TOX: variants seen among roughly 807,000 people sequenced by gnomAD.
TOX encodes the protein thymocyte selection-associated high mobility group box protein TOX.
TOX carries 11 observed loss-of-function variants against 53.7 expected under a neutral mutation model. The observed-to-expected ratio is 0.20, with a 90% CI of 0.13 to 0.34. TOX has a LOEUF of 0.34. Ranked by LOEUF, TOX falls within the 10% of genes least tolerant of loss-of-function variation. TOX has a pLI of 1.00. For missense variants in TOX, 570 were observed against 664.6 expected, an observed-to-expected ratio of 0.86 and a Z score of 1.56; for synonymous variants, 225 against 245.3, an observed-to-expected ratio of 0.92 and a Z score of 0.77.
intron 1 of TOX, among the ~76,000 whole-genome samples, chr8:59,014,231 GA>G (rs1405344182): frequency 6.6e-6 from 1 of 152,198 alleles, no homozygotes; most frequent in Non-Finnish European, 1.5e-5. Context: ...GGGTACGTAA[GA>G]AATTAATAAA....
intron 1 of TOX, among the ~76,000 whole-genome samples, chr8:59,001,878 A>G (rs1481765889): frequency 1.3e-5 from 2 of 152,130 alleles, no homozygotes; most frequent in Non-Finnish European, 2.9e-5. Context: ...AATGTCTTAT[A>G]AATAACTGGG....
intron 1 of TOX, among the ~76,000 whole-genome samples, chr8:59,043,826 AAACATGTGG>A (rs2129420888): frequency 6.6e-6 from 1 of 152,340 alleles, no homozygotes; most frequent in East Asian, 1.9e-4. Flanking sequence ...AGATTTGATC[AAACATGTGG>A]AACTGATTGA....
chr8:59,049,965 T>C (rs890841848), intron 1 of TOX, among the ~76,000 whole-genome samples: 8 of 152,160 alleles, frequency 5.3e-5, no homozygotes, highest in African/African-American at 1.9e-4. Flanking sequence ...GTTCTTGTAT[T>C]ATATAGTCAC....
At position 59,118,767 on chromosome 8, in the gene TOX, A is replaced by G. The variant is rs1805154795; in HGVS notation, c.102+119T>C. The G allele has an allele frequency of 1.8e-6, 1 of 554,976 alleles. No homozygotes were observed. Among genetic ancestry groups the G allele is most frequent in the Non-Finnish European group, 2.9e-6 (1 of 341,962 alleles). 34.4% of individuals were successfully genotyped at this position (554,976 alleles called of 1,614,324 possible). ...CGCACGCAGGCTGCAGCGGGCTGCG[A>G]GCCGAGCGCGCCCGGGACCGGCCTC... On this transcript the variant is annotated intron_variant, in intron 1 of 8. Coordinates refer to ENST00000361421, the MANE Select transcript of TOX (RefSeq NM_014729.3). The surrounding 1 kb of genome is among the most constrained non-coding windows in gnomAD (Gnocchi z 4.1).
intron 3 of TOX, among the ~76,000 whole-genome samples, chr8:58,911,690 G>A (rs1322158839): frequency 6.6e-6 from 1 of 152,030 alleles, no homozygotes; most frequent in East Asian, 1.9e-4. Flanking sequence ...TAAGACTCAA[G>A]TTCAAAACTT....
intron 3 of TOX, among the ~76,000 whole-genome samples, chr8:58,927,016 T>C (rs1394094423): frequency 1.3e-5 from 2 of 151,876 alleles, no homozygotes; most frequent in Non-Finnish European, 1.5e-5. Flanking sequence ...CCCACAACCA[T>C]ATGGTGATGT....
intron 1 of TOX, among the ~76,000 whole-genome samples, chr8:59,050,113 C>T (rs181623482): frequency 3.9e-5 from 6 of 152,274 alleles, no homozygotes; most frequent in Non-Finnish European, 7.4e-5. Context: ...TATCACTGCA[C>T]TCCTAAGCCT....
intron 3 of TOX, among the ~76,000 whole-genome samples, chr8:58,888,276 C>T (rs7001367): frequency 0.64 from 96,697 of 151,726 alleles, 31,207 homozygotes; most frequent in African/African-American, 0.74. Context: ...ATAGAACATA[C>T]AATAGAATAC....
At chr8:58,975,553 T>C (rs1813080884) in intron 1 of TOX, among the ~76,000 whole-genome samples, 1 of 152,216 alleles carries the variant, frequency 6.6e-6, no homozygotes, top group South Asian at 2.1e-4. Context: ...ATACAAGTTA[T>C]GTTTACACTA....
At chr8:58,929,483 G>GA (rs1261416289) in intron 3 of TOX, among the ~76,000 whole-genome samples, 1 of 151,360 alleles carries the variant, frequency 6.6e-6, no homozygotes, top group Non-Finnish European at 1.5e-5. Context: ...TTTCAAACTA[G>GA]AAAAAAACTA....
intron 6 of TOX, among the ~76,000 whole-genome samples, chr8:58,818,767 C>T (rs1313317931): frequency 1.3e-5 from 2 of 152,178 alleles, no homozygotes; most frequent in African/African-American, 4.8e-5. Context: ...TCATGCTCTT[C>T]TCTGCTCTCG....
At chr8:58,945,536 C>T (rs1277194574) in intron 2 of TOX, among the ~76,000 whole-genome samples, 1 of 152,174 alleles carries the variant, frequency 6.6e-6, no homozygotes, top group Non-Finnish European at 1.5e-5. Context: ...GATCTCATTT[C>T]CCCTGCCTGT....
At chr8:58,845,191 C>T (rs146622500) in intron 4 of TOX, among the ~76,000 whole-genome samples, 77 of 152,252 alleles carry the variant, frequency 5.1e-4, no homozygotes, top group African/African-American at 1.7e-3. Flanking sequence ...TTTAATGGAG[C>T]TGGGAGAGCT....
At chr8:58,946,543 T>C (rs187538587) in intron 2 of TOX, among the ~76,000 whole-genome samples, 431 of 152,338 alleles carry the variant, frequency 2.8e-3, no homozygotes, top group African/African-American at 1.0e-2. Context: ...CATTGATATA[T>C]GCTCAAGCCA....
chr8:59,059,923 C>T (rs1258675801), intron 1 of TOX, among the ~76,000 whole-genome samples: 1 of 149,930 alleles, frequency 6.7e-6, no homozygotes, highest in Admixed American at 6.6e-5. Flanking sequence ...AAAAAAAAAT[C>T]TTTTAGAAAG....
intron 1 of TOX, among the ~76,000 whole-genome samples, chr8:59,058,218 C>A (rs1230405330): frequency 6.6e-6 from 1 of 152,188 alleles, no homozygotes; most frequent in African/African-American, 2.4e-5. Flanking sequence ...GCAGCACTAG[C>A]ATTTGGAAGG....
At chr8:59,066,498 A>G (rs1585998363) in intron 1 of TOX, among the ~76,000 whole-genome samples, 1 of 152,208 alleles carries the variant, frequency 6.6e-6, no homozygotes, top group Non-Finnish European at 1.5e-5. Context: ...GTCAAATCCC[A>G]TAATATTAAA....
At chr8:58,959,099 C>T (rs1410162691) in intron 2 of TOX, among the ~76,000 whole-genome samples, 1 of 152,062 alleles carries the variant, frequency 6.6e-6, no homozygotes, top group Non-Finnish European at 1.5e-5. Context: ...TGGTTTTTAC[C>T]ATTCTAGAAA....
At chr8:58,897,457 CA>C (rs767723059) in intron 3 of TOX, among the ~76,000 whole-genome samples, 1 of 152,188 alleles carries the variant, frequency 6.6e-6, no homozygotes, top group South Asian at 2.1e-4. Context: ...TCATGTCAAC[CA>C]CAGGCATGAC....
Sources: allele counts gnomAD v4.1 joint callset (sites outside exome capture counted in the v4.1 genomes callset), GRCh38; gene constraint gnomAD v4.1.1; non-coding constraint Gnocchi (gnomAD v3.1); transcripts MANE v1.5; gene names NCBI Gene and HGNC (gene_info 2026-07-23, HGNC 2026-07-21).